AFF2: variants seen among roughly 807,000 people sequenced by gnomAD.
AFF2 encodes the protein ALF transcription elongation factor 2, also known as AF4/FMR2 family member 2.
AFF2 carries 14 observed loss-of-function variants against 76.9 expected under a neutral mutation model. The observed-to-expected ratio is 0.18, with a 90% CI of 0.12 to 0.28. AFF2 has a LOEUF of 0.28. Ranked by LOEUF, AFF2 falls within the 10% of genes least tolerant of loss-of-function variation. The pLI, the probability that AFF2 is intolerant of heterozygous loss-of-function variation, is 1.00. For synonymous variants in AFF2, 398 were observed against 366.7 expected (o/e 1.09, Z -0.98); for missense variants, 868 against 1,001.1 (o/e 0.87, Z 1.79).
chrX:148,568,508 C>G (rs782634379), intron 1 of AFF2, among the ~76,000 whole-genome samples: 120 of 111,913 alleles, frequency 1.1e-3, no homozygotes, highest in Non-Finnish European at 1.9e-3. Context: ...TTTCTCTAGT[C>G]TTTTAAATGA....
intron 3 of AFF2, among the ~76,000 whole-genome samples, chrX:148,796,211 T>C (rs1342689915): frequency 1.8e-5 from 2 of 109,720 alleles, no homozygotes; most frequent in Non-Finnish European, 3.8e-5. Context: ...TTGTTGTTGT[T>C]GTTTTTGTGC....
chrX:148,923,229 C>T (rs1327071705), intron 9 of AFF2, among the ~76,000 whole-genome samples: 2 of 101,416 alleles, frequency 2.0e-5, no homozygotes, highest in African/African-American at 7.2e-5. Context: ...CTTATGCCCC[C>T]GTGACAAATT....
At chrX:148,581,275 TAC>T (rs1569551628) in intron 1 of AFF2, among the ~76,000 whole-genome samples, 34 of 295 alleles carry the variant, frequency 0.12, no homozygotes, top group Non-Finnish European at 0.14. Context: ...TACACACATA[TAC>T]ACGTATATAC....
In AFF2 at chrX:148,875,726, G is replaced by A. The variant is rs145644269; in HGVS notation, c.1263-10163G>A. 3.0e-4 allele frequency among the ~76,000 whole-genome samples: 33 copies of A among 111,040 alleles called. No homozygotes were observed. In the East Asian group the frequency reaches 7.7e-3, roughly 26 times the overall value. ...CTCTACTTAGCTGTTAAAGAGTTTG[G>A]GTGAGGGATGGATATAAAATTTTGT... On this transcript the variant is annotated intron_variant, in intron 7 of 20. Coordinates refer to ENST00000370460, the MANE Select transcript of AFF2 (RefSeq NM_002025.4).
rs141945278 is a variant in AFF2, at chrX:148,504,128, T to G, written c.47+2984T>G. Among the ~76,000 whole-genome samples the G allele has an allele frequency of 7.2e-5, 8 of 111,220 alleles. No homozygotes were observed. The East Asian group carries it at 2.0e-3, about 27-fold the overall frequency. ...CTTGAGGTGACTGAAGATCAGGTAA[T>G]GATGTCATTAATCCCCATTTAAGAG... On this transcript the variant is annotated intron_variant, in intron 1 of 20. Transcript: ENST00000370460.
chrX:148,825,266 T>C (rs1421998020), intron 4 of AFF2, among the ~76,000 whole-genome samples: 15 of 111,509 alleles, frequency 1.3e-4, no homozygotes, highest in Admixed American at 2.9e-4. Context: ...TTGAGCTGCA[T>C]GACATTGTCT....
intron 4 of AFF2, among the ~76,000 whole-genome samples, chrX:148,830,144 G>A (rs2070435631): frequency 8.9e-6 from 1 of 111,928 alleles, no homozygotes; most frequent in African/African-American, 3.2e-5. Flanking sequence ...AGAGGGCCCT[G>A]AGAGGAAAAA....
At chrX:148,561,401 C>G (rs1557240652) in intron 1 of AFF2, among the ~76,000 whole-genome samples, 1 of 111,893 alleles carries the variant, frequency 8.9e-6, no homozygotes, top group Non-Finnish European at 1.9e-5. Flanking sequence ...CTTCATGAAC[C>G]TATCCAAGCA....
intron 4 of AFF2, among the ~76,000 whole-genome samples, chrX:148,821,888 C>G (rs2070332469): frequency 9.0e-6 from 1 of 111,156 alleles, no homozygotes. Flanking sequence ...AGTGTAGGTG[C>G]ATAAAAAGTG....
chrX:148,823,669 T>C (rs898547338), intron 4 of AFF2, among the ~76,000 whole-genome samples: 39 of 112,038 alleles, frequency 3.5e-4, no homozygotes, highest in Non-Finnish European at 4.3e-4. Flanking sequence ...TATTCTAGAC[T>C]GTGTTTAGAG....
intron 3 of AFF2, among the ~76,000 whole-genome samples, chrX:148,803,090 G>A (rs2070081659): frequency 9.0e-6 from 1 of 111,148 alleles, no homozygotes; most frequent in South Asian, 3.8e-4. Context: ...TAGGACTTTG[G>A]GACAGAAGTG....
intron 1 of AFF2, among the ~76,000 whole-genome samples, chrX:148,581,863 T>C (rs1242495504): frequency 8.9e-6 from 1 of 112,061 alleles, no homozygotes; most frequent in East Asian, 2.8e-4. Context: ...AATACTTTAA[T>C]CTAAAGGCTT....
At chrX:148,517,313 C>T (rs1459527502) in intron 1 of AFF2, among the ~76,000 whole-genome samples, 1 of 111,942 alleles carries the variant, frequency 8.9e-6, no homozygotes, top group Non-Finnish European at 1.9e-5. Context: ...CCACTGCCCT[C>T]GTTGCTTCAT....
intron 1 of AFF2, among the ~76,000 whole-genome samples, chrX:148,610,723 C>T (rs1230329132): frequency 3.6e-5 from 4 of 111,377 alleles, no homozygotes; most frequent in Admixed American, 9.5e-5. Context: ...GTGATCAGGC[C>T]GCTGCTACAA....
intron 2 of AFF2, among the ~76,000 whole-genome samples, chrX:148,658,080 T>C (rs2054270605): frequency 9.0e-6 from 1 of 111,712 alleles, no homozygotes; most frequent in African/African-American, 3.3e-5. Context: ...GTAGAGTGCT[T>C]ACTCTGGCGA....
At chrX:148,723,563 G>A (rs1270846606) in intron 3 of AFF2, among the ~76,000 whole-genome samples, 2 of 112,021 alleles carry the variant, frequency 1.8e-5, no homozygotes, top group Non-Finnish European at 3.8e-5. Context: ...AGATGAGGCT[G>A]GCTATTAAAC....
chrX:148,669,977 A>G, intron 3 of AFF2, among the ~76,000 whole-genome samples: 1 of 111,464 alleles, frequency 9.0e-6, no homozygotes, highest in Non-Finnish European at 1.9e-5. Context: ...ATCCCCTGGT[A>G]GTTGCATTTT....
chrX:148,683,510 T>G (rs2054570477), intron 3 of AFF2, among the ~76,000 whole-genome samples: 1 of 112,220 alleles, frequency 8.9e-6, no homozygotes, highest in South Asian at 3.7e-4. Context: ...TATGCTACCC[T>G]GCTTTCTTGC....
At chrX:148,523,477 G>A (rs1330946445) in intron 1 of AFF2, among the ~76,000 whole-genome samples, 2 of 111,924 alleles carry the variant, frequency 1.8e-5, no homozygotes, top group Non-Finnish European at 3.8e-5. Flanking sequence ...ATTTGTGACA[G>A]CTTAAGGACA....
Sources: gnomAD v4.1 joint callset for allele counts (sites outside exome capture counted in the v4.1 genomes callset) on GRCh38, gnomAD v4.1.1 for gene constraint, MANE v1.5 for transcripts, NCBI Gene and HGNC (gene_info 2026-07-23, HGNC 2026-07-21) for gene names.